RSRC1: variants seen among roughly 807,000 people sequenced by gnomAD.
RSRC1 encodes the protein arginine and serine rich coiled-coil 1, also known as serine/Arginine-related protein 53.
In RSRC1, 39 loss-of-function variants were observed where a neutral mutation model predicts 49.1. The ratio of observed to expected loss-of-function variants is 0.79; its 90% confidence interval spans 0.61 to 1.04. The LOEUF is 1.04. RSRC1 is among the 50% of genes least tolerant of loss of function. The pLI is 0.00. For missense variants in RSRC1, 388 were observed against 402.4 expected (o/e 0.96, Z 0.31); for synonymous variants, 143 against 130.8 (o/e 1.09, Z -0.63).
intron 2 of RSRC1, 52 bp downstream of exon 2, chr3:158,122,350 A>G: frequency 8.0e-7 from 1 of 1,245,220 alleles, no homozygotes; most frequent in Non-Finnish European, 1.1e-6. Context: ...ATTCTTTAAA[A>G]TTCATGTTTT....
chr3:158,527,075 ATCT>A lies in RSRC1; in HGVS notation c.653-10015_653-10013del. Among the ~76,000 whole-genome samples, 3 of 137,696 alleles carry A rather than the reference ATCT, an allele frequency of 2.2e-5. 1 individual carries two copies. The South Asian group carries it at 7.1e-4, about 33-fold the overall frequency. The allele number at this position is 137,696 out of a possible 152,430, so 90.3% of individuals were successfully genotyped here. A position where few individuals can be genotyped will look rare whatever the true frequency, so the allele number is the denominator to read the frequency against. Reference sequence around the variant, plus strand: ...TATCTTAAGAAGTTAATAGTTCAAAATCTTTTTTTTTTTTTTTTTTTTTTTACT... The same window carrying A: ...TATCTTAAGAAGTTAATAGTTCAAAATTTTTTTTTTTTTTTTTTTTTTACT... On this transcript the variant is annotated intron_variant, in intron 7 of 9. Transcript: ENST00000611884.
At chr3:158,171,239 G>T (rs1718864080) in intron 3 of RSRC1, among the ~76,000 whole-genome samples, 1 of 152,190 alleles carries the variant, frequency 6.6e-6, no homozygotes, top group African/African-American at 2.4e-5. Context: ...CTGATTGCTT[G>T]CTAAAATAAA....
At chr3:158,112,739 C>T (rs1384602590) in intron 1 of RSRC1, among the ~76,000 whole-genome samples, 13 of 152,140 alleles carry the variant, frequency 8.5e-5, no homozygotes, top group Admixed American at 8.5e-4. Context: ...TGGTGGTTTA[C>T]TGCACCTAAA....
intron 6 of RSRC1, among the ~76,000 whole-genome samples, chr3:158,412,259 G>C (rs2108323404): frequency 6.6e-6 from 1 of 152,236 alleles, no homozygotes; most frequent in South Asian, 2.1e-4. Flanking sequence ...AGAAGGATAA[G>C]AACCATAATA....
intron 6 of RSRC1, among the ~76,000 whole-genome samples, chr3:158,446,433 T>C (rs868300906): frequency 2.7e-5 from 4 of 146,624 alleles, no homozygotes; most frequent in Admixed American, 1.3e-4. Flanking sequence ...GGTCTTGTTA[T>C]CATCAAAACC....
At chr3:158,122,362 G>A in intron 2 of RSRC1, 64 bp downstream of exon 2, 1 of 1,195,756 alleles carries the variant, frequency 8.4e-7, no homozygotes, top group Non-Finnish European at 1.1e-6. Flanking sequence ...TCATGTTTTT[G>A]TATTTTTAAT....
intron 5 of RSRC1, among the ~76,000 whole-genome samples, chr3:158,338,442 A>G (rs10936129): frequency 0.43 from 65,264 of 152,040 alleles, 14,871 homozygotes; most frequent in South Asian, 0.6. Context: ...AATTATAGTA[A>G]CTGTTAAAAT....
intron 6 of RSRC1, among the ~76,000 whole-genome samples, chr3:158,395,150 C>T (rs1173631012): frequency 6.6e-6 from 1 of 151,994 alleles, no homozygotes; most frequent in South Asian, 2.1e-4. Context: ...GAAACTAGAC[C>T]CCTTCCTTAG....
chr3:158,161,111 G>A (rs560188905), intron 3 of RSRC1, among the ~76,000 whole-genome samples: 1 of 152,164 alleles, frequency 6.6e-6, no homozygotes, highest in South Asian at 2.1e-4. Flanking sequence ...CTTTATATTA[G>A]TCAGCTATTG....
At chr3:158,177,857 A>G (rs1213574728) in intron 3 of RSRC1, among the ~76,000 whole-genome samples, 1 of 152,158 alleles carries the variant, frequency 6.6e-6, no homozygotes, top group Non-Finnish European at 1.5e-5. Flanking sequence ...ATATCAATAT[A>G]CTTTTTAGAA....
intron 7 of RSRC1, among the ~76,000 whole-genome samples, chr3:158,519,845 G>C (rs1218850176): frequency 6.6e-6 from 1 of 152,112 alleles, no homozygotes; most frequent in African/African-American, 2.4e-5. Context: ...GTTACCTAGA[G>C]AGAGAATATA....
At chr3:158,460,620 C>A (rs1737559733) in intron 6 of RSRC1, among the ~76,000 whole-genome samples, 1 of 151,860 alleles carries the variant, frequency 6.6e-6, no homozygotes, top group Admixed American at 6.6e-5. Flanking sequence ...TACACTGATA[C>A]ATCAGATGAC....
chr3:158,432,790 A>G (rs1394408373), intron 6 of RSRC1, among the ~76,000 whole-genome samples: 1 of 151,948 alleles, frequency 6.6e-6, no homozygotes, highest in African/African-American at 2.4e-5. Context: ...TATCCTTTAC[A>G]TAATTTGTAG....
chr3:158,281,535 G>T (rs1187796765), intron 4 of RSRC1, among the ~76,000 whole-genome samples: 2 of 152,120 alleles, frequency 1.3e-5, no homozygotes, highest in African/African-American at 4.8e-5. Context: ...ACCTTTGGTG[G>T]CTAGAGAGAA....
intron 3 of RSRC1, among the ~76,000 whole-genome samples, chr3:158,161,061 T>A (rs1718187828): frequency 6.6e-6 from 1 of 152,200 alleles, no homozygotes; most frequent in Admixed American, 6.5e-5. Flanking sequence ...GCAGGAAGAC[T>A]AACTAGTTCC....
intron 6 of RSRC1, among the ~76,000 whole-genome samples, chr3:158,427,323 A>G (rs1185492913): frequency 1.3e-5 from 2 of 151,868 alleles, no homozygotes; most frequent in African/African-American, 4.8e-5. Flanking sequence ...GGAAGATTCA[A>G]TATTGTGAAG....
At position 158,122,163 on chromosome 3, in the gene RSRC1, A is replaced by C. The variant is rs1350267799; in HGVS notation, c.59A>C (p.His20Pro). 1.9e-6 allele frequency: 3 copies of C among 1,593,220 alleles called. No individual in the cohort carries two copies. The highest frequency in any genetic ancestry group is 2.6e-6 in the Non-Finnish European group (3 of 1,169,504). The change falls in exon 2 of 10, where the codon CAC becomes CCC. Residue 20 changes from histidine to proline, a missense_variant. His to Pro is a moderately conservative substitution (Grantham distance 77, BLOSUM62 -2). Transcript: ENST00000611884. ...EESRSKRKKK[H>P]RRRSSSSSSS... ...AGCAGAAGCAAGAGAAAAAAGAAAC[A>C]CCGTAGACGGTCCTCCTCGAGCAGT...
intron 4 of RSRC1, among the ~76,000 whole-genome samples, chr3:158,247,433 A>T (rs1297981631): frequency 6.6e-6 from 1 of 152,150 alleles, no homozygotes; most frequent in Non-Finnish European, 1.5e-5. Flanking sequence ...GGTCATTTGG[A>T]GAAAACGGCA....
intron 6 of RSRC1, among the ~76,000 whole-genome samples, chr3:158,359,109 A>T (rs1401902632): frequency 2.0e-5 from 3 of 152,090 alleles, no homozygotes; most frequent in African/African-American, 7.2e-5. Context: ...TGGTAATTCT[A>T]TGTTTAATTT....
Sources: gnomAD v4.1 joint callset for allele counts (sites outside exome capture counted in the v4.1 genomes callset) on GRCh38, gnomAD v4.1.1 for gene constraint, MANE v1.5 for transcripts, NCBI Gene and HGNC (gene_info 2026-07-23, HGNC 2026-07-21) for gene names.